Variants in SSBP2 observed in about 807,000 individuals in gnomAD.
SSBP2 encodes the protein single stranded DNA binding protein 2.
A neutral mutation model predicts 61.8 loss-of-function variants in SSBP2; 17 were observed. The observed-to-expected ratio is 0.28, with a 90% confidence interval of 0.19 to 0.41. SSBP2 has a LOEUF of 0.41. Ranked by LOEUF, SSBP2 falls within the 10% of genes least tolerant of loss-of-function variation. The pLI is 1.00. For missense variants in SSBP2, 310 were observed against 458.7 expected, an observed-to-expected ratio of 0.68 and a Z score of 2.96; for synonymous variants, 139 against 141.3, an observed-to-expected ratio of 0.98 and a Z score of 0.12.
At chr5:81,719,538 A>G (rs542447357) in intron 1 of SSBP2, among the ~76,000 whole-genome samples, 1 of 152,300 alleles carries the variant, frequency 6.6e-6, no homozygotes, top group South Asian at 2.1e-4. Flanking sequence ...AGAGACAGCA[A>G]AGGGTACTCC....
chr5:81,678,883 C>T (rs1254199888), intron 1 of SSBP2, among the ~76,000 whole-genome samples: 8 of 151,898 alleles, frequency 5.3e-5, no homozygotes, highest in Admixed American at 2.0e-4. Flanking sequence ...AGCAGACCTA[C>T]TTTGAAAGAA....
chr5:81,638,729 A>C (rs1359259058), intron 2 of SSBP2, among the ~76,000 whole-genome samples: 1 of 152,222 alleles, frequency 6.6e-6, no homozygotes, highest in Admixed American at 6.5e-5. Context: ...TTAACTTACT[A>C]ATCAGAATAG....
chr5:81,487,249 C>T (rs147291029), intron 6 of SSBP2, among the ~76,000 whole-genome samples: 5 of 152,248 alleles, frequency 3.3e-5, no homozygotes, highest in Admixed American at 6.5e-5. Flanking sequence ...AATTTCTTCT[C>T]GGGTTATATA....
At chr5:81,599,975 A>T (rs1309819848) in intron 4 of SSBP2, among the ~76,000 whole-genome samples, 1 of 140,342 alleles carries the variant, frequency 7.1e-6, no homozygotes, top group Non-Finnish European at 1.5e-5. Flanking sequence ...CTCCCTTATT[A>T]GAGTCTTCTT....
chr5:81,614,711 T>C (rs1185894153), intron 4 of SSBP2, among the ~76,000 whole-genome samples: 1 of 152,160 alleles, frequency 6.6e-6, no homozygotes, highest in Admixed American at 6.5e-5. Context: ...ATTTCCTCCA[T>C]CTTAAACTCA....
chr5:81,442,937 C>A, intron 12 of SSBP2: 1 of 356,086 alleles, frequency 2.8e-6, no homozygotes, highest in Non-Finnish European at 5.1e-6. Flanking sequence ...GGAATCACTT[C>A]AATAATTCAG....
chr5:81,573,961 A>G (rs1363781457), intron 4 of SSBP2, among the ~76,000 whole-genome samples: 2 of 152,142 alleles, frequency 1.3e-5, no homozygotes, highest in African/African-American at 4.8e-5. Flanking sequence ...TAACATGGTG[A>G]AACCCTGTCT....
At chr5:81,513,221 A>G (rs976732848) in intron 5 of SSBP2, among the ~76,000 whole-genome samples, 6 of 152,102 alleles carry the variant, frequency 3.9e-5, no homozygotes, top group Admixed American at 1.3e-4. Context: ...TTCTTGATAA[A>G]TTAATAAATT....
At position 81,695,307 on chromosome 5, in the gene SSBP2, C is replaced by T. The variant is rs150839518; in HGVS notation, c.63-44968G>A. On this transcript the variant is annotated intron_variant, in intron 1 of 16. Coordinates refer to ENST00000320672, the MANE Select transcript of SSBP2 (RefSeq NM_012446.5). ...ATTACATAGCAAATGCAAGACAAAT[C>T]GCACCAAAAAGTGATTAAGAATTAT... Among the ~76,000 whole-genome samples the T allele has an allele frequency of 2.2e-4, 33 of 152,168 alleles. No homozygotes were observed. In the East Asian group the frequency reaches 4.6e-3, roughly 21 times the overall value.
intron 6 of SSBP2, among the ~76,000 whole-genome samples, chr5:81,487,622 A>T (rs946341628): frequency 4.6e-5 from 7 of 151,976 alleles, no homozygotes; most frequent in South Asian, 2.1e-4. Context: ...TTTATTTTTT[A>T]AAAAATATTT....
At chr5:81,751,362 A>C, upstream of SSBP2, 3 of 464,736 alleles carry the variant, frequency 6.5e-6, no homozygotes, top group East Asian at 3.9e-5. Flanking sequence ...CCCCCTCCGA[A>C]CCCGGGCGCA....
intron 1 of SSBP2, among the ~76,000 whole-genome samples, chr5:81,680,790 G>C (rs1031417963): frequency 3.5e-4 from 53 of 152,138 alleles, no homozygotes; most frequent in African/African-American, 1.1e-3. Context: ...GAACTACAAG[G>C]AGAAATAGAT....
intron 2 of SSBP2, among the ~76,000 whole-genome samples, chr5:81,642,852 C>T (rs1748911004): frequency 6.6e-6 from 1 of 152,064 alleles, no homozygotes; most frequent in Non-Finnish European, 1.5e-5. Flanking sequence ...TATAAGCTAA[C>T]ATTTGTACAA....
intron 10 of SSBP2, among the ~76,000 whole-genome samples, chr5:81,451,905 T>A (rs911628273): frequency 1.3e-5 from 2 of 152,270 alleles, no homozygotes; most frequent in Non-Finnish European, 2.9e-5. Flanking sequence ...TAGTCTTTGA[T>A]GTCTTTATTA....
At chr5:81,588,715 A>G (rs1775263980) in intron 4 of SSBP2, among the ~76,000 whole-genome samples, 1 of 152,222 alleles carries the variant, frequency 6.6e-6, no homozygotes, top group Non-Finnish European at 1.5e-5. Flanking sequence ...AGAGTCACCA[A>G]ATTTTCAAAA....
chr5:81,598,849 G>C (rs972901617), intron 4 of SSBP2, among the ~76,000 whole-genome samples: 2 of 152,066 alleles, frequency 1.3e-5, no homozygotes, highest in African/African-American at 4.8e-5. Context: ...GGCATACTTA[G>C]TCTTCATTCT....
intron 6 of SSBP2, among the ~76,000 whole-genome samples, chr5:81,484,245 C>T (rs1766218657): frequency 6.6e-6 from 1 of 152,104 alleles, no homozygotes; most frequent in Non-Finnish European, 1.5e-5. Context: ...GACAAAATGA[C>T]TATAAGATAA....
At chr5:81,725,141 A>G (rs1221763514) in intron 1 of SSBP2, among the ~76,000 whole-genome samples, 2 of 152,174 alleles carry the variant, frequency 1.3e-5, no homozygotes, top group Non-Finnish European at 2.9e-5. Flanking sequence ...CTCTGGGGAC[A>G]TGACATTTAA....
chr5:81,612,406 C>G (rs566270443), intron 4 of SSBP2, among the ~76,000 whole-genome samples: 16 of 152,152 alleles, frequency 1.1e-4, no homozygotes, highest in African/African-American at 3.9e-4. Context: ...TTTAAAGTAA[C>G]TTTCCTGAAT....
Sources: gnomAD v4.1 joint callset for allele counts (sites outside exome capture counted in the v4.1 genomes callset) on GRCh38, gnomAD v4.1.1 for gene constraint, MANE v1.5 for transcripts, NCBI Gene and HGNC (gene_info 2026-07-23, HGNC 2026-07-21) for gene names.